The following PTBP2 variants were observed in gnomAD, a reference collection of about 807,000 sequenced individuals.
The protein encoded by PTBP2 is polypyrimidine tract binding protein 2.
In PTBP2, 13 loss-of-function variants were observed where a neutral mutation model predicts 61.4. The observed-to-expected ratio is 0.21, with a 90% confidence interval of 0.14 to 0.34. The LOEUF is 0.34. Among genes scored for constraint, PTBP2 ranks in the 10% least tolerant of loss-of-function variants. PTBP2 has a pLI of 1.00. For synonymous variants in PTBP2, 215 were observed against 218.5 expected, an observed-to-expected ratio of 0.98 and a Z score of 0.14; for missense variants, 405 against 642.6, an observed-to-expected ratio of 0.63 and a Z score of 4.00.
chr1:96,751,015 C>A (rs1654469483), intron 2 of PTBP2, among the ~76,000 whole-genome samples: 1 of 151,964 alleles, frequency 6.6e-6, no homozygotes, highest in Non-Finnish European at 1.5e-5. Flanking sequence ...ATCTAACTCA[C>A]CAGAATGAAG....
downstream of PTBP2, chr1:96,816,827 G>A (rs567130270): frequency 5.7e-4 from 86 of 152,186 alleles, no homozygotes; most frequent in African/African-American, 1.9e-3. Flanking sequence ...TATTACAGAG[G>A]CTCAAATAGG....
At position 96,770,720 on chromosome 1, in the gene PTBP2, C is replaced by T. The variant is rs190658913; in HGVS notation, c.301C>T (p.Leu101=). Residue 101 remains leucine, a synonymous_variant, in exon 5 of 14, where the codon CTA becomes TTA. Coordinates refer to ENST00000674951, the MANE Select transcript of PTBP2 (RefSeq NM_021190.4). The part of the protein sequence containing the change: ...LKGKNQAFLE[L]ATEEAAITMV... ...CTTAAATTTTCAGGCATTTTTGGAA[C>T]TAGCAACCGAGGAAGCAGCTATTAC... 1 of 1,610,766 alleles carries T rather than the reference C, an allele frequency of 6.2e-7. No individual in the cohort carries two copies. The highest frequency in any genetic ancestry group is 1.3e-5 in the African/African-American group (1 of 74,904).
chr1:96,822,042 T>C (rs1662699582), exon 14 of PTBP2: 1 of 152,224 alleles, frequency 6.6e-6, no homozygotes, highest in African/African-American at 2.4e-5. Context: ...GGTGCGAAAG[T>C]AATTGCGATT....
chr1:96,790,707 A>C (rs1366177765), intron 8 of PTBP2, among the ~76,000 whole-genome samples: 1 of 152,168 alleles, frequency 6.6e-6, no homozygotes, highest in East Asian at 1.9e-4. Context: ...GAACAGGTAC[A>C]GTATAGATTC....
At chr1:96,823,355 A>G (rs911085896) in exon 14 of PTBP2, 1 of 152,214 alleles carries the variant, frequency 6.6e-6, no homozygotes, top group African/African-American at 2.4e-5. Context: ...TTCACTCTAT[A>G]CTATTGCTGC....
chr1:96,753,153 A>G (rs1346742695), intron 3 of PTBP2, among the ~76,000 whole-genome samples: 6 of 152,162 alleles, frequency 3.9e-5, no homozygotes, highest in African/African-American at 1.4e-4. Flanking sequence ...ACTTGGTTAC[A>G]TGTGTGCAGG....
At chr1:96,728,056 C>T (rs573407144) in intron 2 of PTBP2, among the ~76,000 whole-genome samples, 64 of 152,168 alleles carry the variant, frequency 4.2e-4, no homozygotes, top group Non-Finnish European at 7.6e-4. Flanking sequence ...GTGGTGCAAT[C>T]GTAGCTCATG....
intron 9 of PTBP2, among the ~76,000 whole-genome samples, chr1:96,805,221 A>T (rs1399569638): frequency 6.6e-6 from 1 of 152,062 alleles, no homozygotes; most frequent in African/African-American, 2.4e-5. Context: ...AGTTTGGCTT[A>T]TCTTTTTGTT....
chr1:96,808,169 T>C (rs1250885441), intron 11 of PTBP2, among the ~76,000 whole-genome samples: 2 of 151,054 alleles, frequency 1.3e-5, no homozygotes, highest in African/African-American at 5.0e-5. Flanking sequence ...TTTTGTTTTA[T>C]GTAAAGACTG....
intron 3 of PTBP2, among the ~76,000 whole-genome samples, chr1:96,757,583 T>C (rs557590322): frequency 8.0e-4 from 122 of 152,292 alleles, no homozygotes; most frequent in African/African-American, 2.8e-3. Context: ...TGAAAAGTGC[T>C]ATCATGTTGG....
At chr1:96,733,887 C>T (rs1233495866) in intron 2 of PTBP2, among the ~76,000 whole-genome samples, 1 of 152,158 alleles carries the variant, frequency 6.6e-6, no homozygotes, top group East Asian at 1.9e-4. Context: ...TATGACTGAT[C>T]TCCAAAAAGA....
chr1:96,755,884 CAT>C (rs2100934208), intron 3 of PTBP2, among the ~76,000 whole-genome samples: 1 of 152,232 alleles, frequency 6.6e-6, no homozygotes, highest in African/African-American at 2.4e-5. Context: ...GAGTGATGGA[CAT>C]ATAAATTATT....
intron 3 of PTBP2, among the ~76,000 whole-genome samples, chr1:96,765,237 GAGTT>G (rs1311013780): frequency 6.6e-6 from 1 of 152,130 alleles, no homozygotes; most frequent in African/African-American, 2.4e-5. Flanking sequence ...TTGATAAAGA[GAGTT>G]AGGAAAACTT....
intron 2 of PTBP2, 44 bp from the exon 3 acceptor site, chr1:96,751,381 T>G: frequency 7.0e-7 from 1 of 1,420,476 alleles, no homozygotes; most frequent in Non-Finnish European, 9.9e-7. Context: ...TTAATATTTT[T>G]AAATTTAAAG....
intron 2 of PTBP2, chr1:96,751,172 T>C (rs1260691005): frequency 5.9e-6 from 3 of 505,070 alleles, no homozygotes; most frequent in African/African-American, 2.0e-5. Flanking sequence ...CTTTTGCTTA[T>C]AGAATCTAAT....
rs1232683663 is a variant in PTBP2, at chr1:96,739,618, G to GGTTTTTTTTTTTTTTTTTTTTTT, written c.40-11807_40-11806insGTTTTTTTTTTTTTTTTTTTTTT. Among the ~76,000 whole-genome samples, 7 of 83,802 alleles carry GGTTTTTTTTTTTTTTTTTTTTTT rather than the reference G, an allele frequency of 8.4e-5. 1 individual carries two copies. Among genetic ancestry groups the GGTTTTTTTTTTTTTTTTTTTTTT allele is most frequent in the South Asian group, 4.0e-4 (1 of 2,482 alleles). 55.0% of individuals were successfully genotyped at this position (83,802 alleles called of 152,430 possible). The stretch of plus-strand genomic sequence containing the variant: ...GCTACAAAATCTGAAACTGGTGTGT[G>GGTTTTTTTTTTTTTTTTTTTTTT]TTTTTTTTTTTTTTTTTTTTTTTTT... On this transcript the variant is annotated intron_variant, in intron 2 of 13. Transcript: ENST00000674951.
At chr1:96,762,434 C>T (rs1362951315) in intron 3 of PTBP2, among the ~76,000 whole-genome samples, 41 of 148,232 alleles carry the variant, frequency 2.8e-4, no homozygotes, top group South Asian at 4.2e-4. Context: ...GGCAGCTGGC[C>T]GGGCGGGGGG....
intron 3 of PTBP2, among the ~76,000 whole-genome samples, chr1:96,761,343 TTGA>T (rs1415667875): frequency 6.6e-5 from 9 of 137,168 alleles, no homozygotes; most frequent in East Asian, 4.3e-4. Flanking sequence ...GATGTGGGAT[TTGA>T]TGTGTGTGTG....
intron 7 of PTBP2, 174 bp from the exon 8 acceptor site, chr1:96,784,885 G>T: frequency 2.0e-6 from 1 of 509,062 alleles, no homozygotes; most frequent in Non-Finnish European, 3.4e-6. Flanking sequence ...ATATTTGGGG[G>T]AAAGTAATAC....
Sources: gnomAD v4.1 joint callset for allele counts (sites outside exome capture counted in the v4.1 genomes callset) on GRCh38, gnomAD v4.1.1 for gene constraint, MANE v1.5 for transcripts, NCBI Gene and HGNC (gene_info 2026-07-23, HGNC 2026-07-21) for gene names.